The following TAF4B variants were observed in gnomAD, a reference collection of about 807,000 sequenced individuals.
TAF4B encodes transcription initiation factor TFIID subunit 4B.
A neutral mutation model predicts 86.4 loss-of-function variants in TAF4B; 38 were observed. The observed-to-expected ratio is 0.44, with a 90% confidence interval of 0.34 to 0.58. TAF4B has a LOEUF of 0.58. Ranked by LOEUF, TAF4B falls within the 20% of genes least tolerant of loss-of-function variation. TAF4B has a pLI of 0.02. For synonymous variants in TAF4B, 388 were observed against 391.2 expected, an observed-to-expected ratio of 0.99 and a Z score of 0.10; for missense variants, 988 against 1,027.6, an observed-to-expected ratio of 0.96 and a Z score of 0.53.
chr18:26,287,566 T>A (rs1568129832), intron 7 of TAF4B, among the ~76,000 whole-genome samples: 1 of 152,240 alleles, frequency 6.6e-6, no homozygotes, highest in African/African-American at 2.4e-5. Flanking sequence ...TCATGGGAGA[T>A]ACTACATGAT....
intron 3 of TAF4B, among the ~76,000 whole-genome samples, chr18:26,274,170 C>T (rs2056354657): frequency 1.3e-5 from 2 of 152,072 alleles, no homozygotes; most frequent in Non-Finnish European, 2.9e-5. Context: ...TAATATTCTT[C>T]ATGCTTACTT....
Position 26,286,195 on chromosome 18 carries a change from G to A in TAF4B, c.1286G>A (p.Gly429Asp), listed in dbSNP as rs1177720320. The A allele has an allele frequency of 3.7e-6, 6 of 1,614,082 alleles. No homozygotes were observed. The African/African-American group carries it at 5.3e-5, about 14-fold the overall frequency. ...ACAGGAGGAACAACAGCTGGAACTG[G>A]TTTGCTTCAGACTTCAAAACCACTT... ...AATGGTTAGT[G>D]LLQTSKPLVT... The change falls in exon 7 of 15, where the codon GGT (glycine) becomes GAT (aspartate). Residue 429 changes from glycine to aspartate, a missense_variant. Gly to Asp is a moderately conservative substitution (Grantham distance 94). Coordinates refer to ENST00000269142, the MANE Select transcript of TAF4B (RefSeq NM_005640.3).
intron 9 of TAF4B, among the ~76,000 whole-genome samples, chr18:26,300,307 T>TTTATTATTATTATTATTATTATTA: frequency 6.9e-6 from 1 of 145,396 alleles, no homozygotes; most frequent in African/African-American, 2.6e-5. Context: ...AATGTAGGCA[T>TTTATTATTATTATTATTATTATTA]TTATTATTAT....
At chr18:26,352,904 T>A (rs781666599) in intron 13 of TAF4B, among the ~76,000 whole-genome samples, 13 of 152,248 alleles carry the variant, frequency 8.5e-5, no homozygotes, top group African/African-American at 1.4e-4. Context: ...TTTATTTTTT[T>A]AGTTCTGTAA....
intron 10 of TAF4B, among the ~76,000 whole-genome samples, chr18:26,319,715 G>C (rs1453040447): frequency 6.6e-6 from 1 of 151,934 alleles, no homozygotes; most frequent in Admixed American, 6.6e-5. Flanking sequence ...TCAACCTCTC[G>C]TGTAGCTCGG....
chr18:26,267,573 C>A lies in TAF4B; in HGVS notation c.547C>A (p.Gln183Lys), dbSNP rs1285439119. Reference protein sequence around the residue: ...VAVTPVKKLAQIGTTVVTTVP... With the variant: ...VAVTPVKKLAKIGTTVVTTVP... ...AGTGACACCTGTTAAAAAATTGGCA[C>A]AAATAGGAACTACTGTGGTAACCAC... The change falls in exon 3 of 15, where the codon CAA (glutamine) becomes AAA (lysine). Residue 183 changes from glutamine (Q) to lysine (K), a missense_variant. Physicochemically the swap from Gln to Lys is moderately conservative, Grantham distance 53. Transcript: ENST00000269142. 6.2e-7 allele frequency: 1 copy of A among 1,614,102 alleles called. No individual in the cohort carries two copies. The highest frequency in any genetic ancestry group is 1.1e-5 in the South Asian group (1 of 91,072).
chr18:26,281,230 AACTTGT>A (rs567556772), intron 5 of TAF4B, among the ~76,000 whole-genome samples: 63 of 152,172 alleles, frequency 4.1e-4, no homozygotes, highest in East Asian at 3.3e-3. Flanking sequence ...CTGTACCCCA[AACTTGT>A]ACTTGTACCT....
chr18:26,321,580 G>A (rs1217127727), intron 11 of TAF4B, among the ~76,000 whole-genome samples: 17 of 149,710 alleles, frequency 1.1e-4, no homozygotes, highest in African/African-American at 4.2e-4. Flanking sequence ...GTTTTCCAGA[G>A]ATTGATTTAT....
chr18:26,245,375 G>A (rs192744036), intron 1 of TAF4B, among the ~76,000 whole-genome samples: 2 of 152,218 alleles, frequency 1.3e-5, no homozygotes, highest in East Asian at 3.9e-4. Context: ...CCCAAAGAGT[G>A]AGTGGTAGCA....
Position 26,282,009 on chromosome 18 carries a change from G to C in TAF4B, c.921G>C (p.Leu307=). 6.2e-7 allele frequency: 1 copy of C among 1,613,486 alleles called. No homozygotes were observed. Among genetic ancestry groups the C allele is most frequent in the East Asian group, 2.2e-5 (1 of 44,808 alleles). ...AAGCAGAAGAATTTACTAGGAAACT[G>C]TATGTTGAACTCAAGTCTTCACCTC... ...KIEAEEFTRK[L]YVELKSSPQP... The change falls in exon 6 of 15, where the codon CTG becomes CTC. Residue 307 remains leucine, a synonymous_variant. Transcript: ENST00000269142.
intron 1 of TAF4B, among the ~76,000 whole-genome samples, chr18:26,242,551 G>C (rs1279396073): frequency 3.9e-5 from 6 of 152,136 alleles, no homozygotes; most frequent in African/African-American, 1.4e-4. Context: ...TTGCCAGTCT[G>C]TGTCTTTTAA....
At position 26,378,751 on chromosome 18, in the gene TAF4B, C is replaced by T. The variant is rs1041685104; in HGVS notation, c.2422-11094C>T. Among the ~76,000 whole-genome samples, 4 of 152,206 alleles carry T rather than the reference C, an allele frequency of 2.6e-5. No homozygotes were observed. In the East Asian group the frequency reaches 7.7e-4, roughly 29 times the overall value. ...CAATTACTGATCTAATTTCTGTTACCATAGCTTAATCTTTCCTGTTTCAGA... is the reference window on the plus strand; with the variant it reads ...CAATTACTGATCTAATTTCTGTTACTATAGCTTAATCTTTCCTGTTTCAGA... On this transcript the variant is annotated intron_variant, in intron 14 of 14. Coordinates refer to ENST00000269142, the MANE Select transcript of TAF4B (RefSeq NM_005640.3).
intron 14 of TAF4B, among the ~76,000 whole-genome samples, chr18:26,362,004 C>G (rs2057336670): frequency 6.6e-6 from 1 of 151,886 alleles, no homozygotes; most frequent in Non-Finnish European, 1.5e-5. Flanking sequence ...CTTTTAATTC[C>G]TTTGAGAATG....
chr18:26,370,693 A>T (rs771546838), intron 14 of TAF4B, among the ~76,000 whole-genome samples: 8 of 152,148 alleles, frequency 5.3e-5, no homozygotes, highest in Non-Finnish European at 1.0e-4. Flanking sequence ...GTGGGAATGG[A>T]TCCTAAGGGT....
intron 14 of TAF4B, among the ~76,000 whole-genome samples, chr18:26,388,052 G>A (rs1978481206): frequency 6.6e-6 from 1 of 152,192 alleles, no homozygotes; most frequent in African/African-American, 2.4e-5. Context: ...GACAGTAACA[G>A]AACCAGATTT....
At chr18:26,280,945 T>C (rs2056441039) in intron 5 of TAF4B, among the ~76,000 whole-genome samples, 1 of 152,190 alleles carries the variant, frequency 6.6e-6, no homozygotes, top group Non-Finnish European at 1.5e-5. Context: ...GTGGTACATA[T>C]ACACCATGGA....
intron 14 of TAF4B, among the ~76,000 whole-genome samples, chr18:26,367,915 G>T (rs997084722): frequency 6.6e-6 from 1 of 152,116 alleles, no homozygotes; most frequent in Non-Finnish European, 1.5e-5. Flanking sequence ...TGCTGATTGA[G>T]TGCCTATTTT....
intron 9 of TAF4B, among the ~76,000 whole-genome samples, chr18:26,307,351 G>A (rs2056805958): frequency 6.6e-6 from 1 of 151,974 alleles, no homozygotes; most frequent in Admixed American, 6.6e-5. Context: ...GGTGAATTTG[G>A]GAAGCTGTAT....
chr18:26,250,699 T>G (rs898828668), intron 1 of TAF4B, among the ~76,000 whole-genome samples: 14 of 152,172 alleles, frequency 9.2e-5, no homozygotes, highest in African/African-American at 2.9e-4. Context: ...AGATATTCTG[T>G]GGGTTTAGTT....
Sources: allele counts gnomAD v4.1 joint callset (sites outside exome capture counted in the v4.1 genomes callset), GRCh38; gene constraint gnomAD v4.1.1; transcripts MANE v1.5; gene names NCBI Gene and HGNC (gene_info 2026-07-23, HGNC 2026-07-21).